ARL6IP6: variants seen among roughly 807,000 people sequenced by gnomAD.
The protein encoded by ARL6IP6 is ARF like GTPase 6 interacting protein 6.
ARL6IP6 carries 22 observed loss-of-function variants against 21.5 expected under a neutral mutation model. The observed-to-expected ratio is 1.02, with a 90% CI of 0.73 to 1.46. The LOEUF (loss-of-function observed/expected upper bound fraction) is 1.46. ARL6IP6 is among the 40% of genes most tolerant of loss of function. The probability of loss-of-function intolerance (pLI) is 0.00; values close to 1 mark genes in which losing one functional copy is unlikely to be tolerated. For synonymous variants in ARL6IP6, 164 were observed against 125.3 expected (o/e 1.31, Z -2.06); for missense variants, 388 against 299.8 (o/e 1.29, Z -2.17).
chr2:152,753,949 C>T (rs1701458601), intron 3 of ARL6IP6, among the ~76,000 whole-genome samples: 1 of 151,472 alleles, frequency 6.6e-6, no homozygotes, highest in Non-Finnish European at 1.5e-5. Context: ...GGTCCACCCG[C>T]CTCGGCCTCC....
chr2:152,730,314 G>A (rs1700248223), intron 2 of ARL6IP6, among the ~76,000 whole-genome samples: 1 of 152,076 alleles, frequency 6.6e-6, no homozygotes, highest in Non-Finnish European at 1.5e-5. Flanking sequence ...ATGTTACTTT[G>A]TGTCTTTCCT....
chr2:152,728,175 T>A (rs1444916705), intron 2 of ARL6IP6, among the ~76,000 whole-genome samples: 1 of 152,214 alleles, frequency 6.6e-6, no homozygotes, highest in Non-Finnish European at 1.5e-5. Context: ...CATTTTTTCA[T>A]GACTGCATTG....
Position 152,735,573 on chromosome 2 carries a change from A to T in ARL6IP6, c.587+447A>T, listed in dbSNP as rs76671349. 1.0e-2 allele frequency among the ~76,000 whole-genome samples: 1,520 copies of T among 152,316 alleles called. 23 individuals are homozygous for T. The highest frequency in any genetic ancestry group is 0.035 in the African/African-American group (1,443 of 41,570). The stretch of plus-strand genomic sequence containing the variant: ...AGCAAACATTTATGGTACCCAATTT[A>T]TATGTCTAGACCAGATTGGATGCTT... On this transcript the variant is annotated intron_variant, in intron 3 of 3. Coordinates refer to ENST00000326446, the MANE Select transcript of ARL6IP6 (RefSeq NM_152522.7).
intron 2 of ARL6IP6, among the ~76,000 whole-genome samples, chr2:152,722,285 G>A (rs997523466): frequency 6.6e-6 from 1 of 152,126 alleles, no homozygotes; most frequent in Non-Finnish European, 1.5e-5. Context: ...TTTGCTAATG[G>A]CATGAATTTA....
chr2:152,744,356 A>T (rs1044868533), intron 3 of ARL6IP6, among the ~76,000 whole-genome samples: 2 of 152,118 alleles, frequency 1.3e-5, no homozygotes, highest in African/African-American at 4.8e-5. Context: ...ACACAGTTGA[A>T]TGTCTATTTT....
intron 1 of ARL6IP6, chr2:152,719,928 T>A: frequency 2.3e-6 from 1 of 425,708 alleles, no homozygotes; most frequent in Non-Finnish European, 4.8e-6. Context: ...GCATGGCATC[T>A]AAAACCTTAC....
chr2:152,759,909 C>A lies in ARL6IP6; in HGVS notation c.*69C>A. 7.6e-7 allele frequency: 1 copy of A among 1,319,092 alleles called. No homozygotes were observed. Among genetic ancestry groups the A allele is most frequent in the South Asian group, 1.2e-5 (1 of 83,978 alleles). The allele number at this position is 1,319,092 out of a possible 1,614,324, so 81.7% of individuals were successfully genotyped here. On this transcript the variant is annotated 3_prime_UTR_variant, in exon 4 of 4. Coordinates refer to ENST00000326446, the MANE Select transcript of ARL6IP6 (RefSeq NM_152522.7). Reference sequence around the variant, plus strand: ...GTTTTGTAATAACAAGAAGGAGCATCACTGTCTACTCAGAAGACTGAGAAA... The same window carrying A: ...GTTTTGTAATAACAAGAAGGAGCATAACTGTCTACTCAGAAGACTGAGAAA...
chr2:152,738,731 G>A (rs552530379), intron 3 of ARL6IP6, among the ~76,000 whole-genome samples: 39 of 152,254 alleles, frequency 2.6e-4, no homozygotes, highest in African/African-American at 8.2e-4. Context: ...CTCCCAGCTT[G>A]TGATGGGAGA....
At chr2:152,735,179 A>C (rs756470081) in intron 3 of ARL6IP6, 53 bp downstream of exon 3, 52 of 1,583,210 alleles carry the variant, frequency 3.3e-5, no homozygotes, top group Non-Finnish European at 4.4e-5. Context: ...ACTCTTGAAA[A>C]TACTAAAATA....
At chr2:152,734,821 G>A (rs1449262859) in intron 2 of ARL6IP6, among the ~76,000 whole-genome samples, 173 bp from the exon 3 acceptor site, 1 of 152,106 alleles carries the variant, frequency 6.6e-6, no homozygotes, top group Admixed American at 6.5e-5. Flanking sequence ...CTTTAGTAAT[G>A]TACACTTATT....
At chr2:152,757,240 T>A (rs1364449525) in intron 3 of ARL6IP6, among the ~76,000 whole-genome samples, 1 of 152,172 alleles carries the variant, frequency 6.6e-6, no homozygotes, top group African/African-American at 2.4e-5. Flanking sequence ...AGGAGGTAAG[T>A]TGAATATTTA....
At chr2:152,750,041 ATATT>A (rs1701249295) in intron 3 of ARL6IP6, among the ~76,000 whole-genome samples, 1 of 152,220 alleles carries the variant, frequency 6.6e-6, no homozygotes, top group South Asian at 2.1e-4. Context: ...TGGGACTAAA[ATATT>A]TATATCCTCT....
intron 2 of ARL6IP6, 86 bp downstream of exon 2, chr2:152,720,672 C>CA: frequency 1.2e-5 from 14 of 1,200,078 alleles, no homozygotes; most frequent in Non-Finnish European, 1.6e-5. Context: ...GGATAAAATA[C>CA]TTAATGTATT....
At chr2:152,755,181 G>T (rs956649204) in intron 3 of ARL6IP6, among the ~76,000 whole-genome samples, 6 of 152,192 alleles carry the variant, frequency 3.9e-5, no homozygotes, top group African/African-American at 1.4e-4. Context: ...CCACCAGAGG[G>T]CTCCTTGGTC....
chr2:152,745,875 A>G (rs1255741385), intron 3 of ARL6IP6, among the ~76,000 whole-genome samples: 1 of 152,044 alleles, frequency 6.6e-6, no homozygotes, highest in Admixed American at 6.5e-5. Context: ...ATTGTGTAAG[A>G]TATATTTCAT....
chr2:152,752,802 G>A (rs558922316), intron 3 of ARL6IP6, among the ~76,000 whole-genome samples: 7 of 152,282 alleles, frequency 4.6e-5, no homozygotes, highest in South Asian at 4.1e-4. Context: ...TTGTTACTCC[G>A]GTGTGGGGAG....
intron 3 of ARL6IP6, among the ~76,000 whole-genome samples, chr2:152,749,309 AC>A (rs1347517323): frequency 4.8e-5 from 4 of 82,786 alleles, no homozygotes; most frequent in Non-Finnish European, 7.6e-5. Flanking sequence ...AAACACACAC[AC>A]AAAAACACAC....
chr2:152,746,639 C>T (rs945135093), intron 3 of ARL6IP6, among the ~76,000 whole-genome samples: 2 of 151,838 alleles, frequency 1.3e-5, no homozygotes, highest in African/African-American at 4.8e-5. Context: ...ATAATGGTAC[C>T]CTCATAGGCA....
At chr2:152,750,204 C>A (rs11676069) in intron 3 of ARL6IP6, among the ~76,000 whole-genome samples, 2 of 152,062 alleles carry the variant, frequency 1.3e-5, no homozygotes, top group East Asian at 3.9e-4. Context: ...TGAGACCGAG[C>A]GCAGTGGCTC....
Sources: allele counts gnomAD v4.1 joint callset (sites outside exome capture counted in the v4.1 genomes callset), GRCh38; gene constraint gnomAD v4.1.1; transcripts MANE v1.5; gene names NCBI Gene and HGNC (gene_info 2026-07-23, HGNC 2026-07-21).